PLAC9: variants seen among roughly 807,000 people sequenced by gnomAD.
PLAC9 encodes placenta associated 9, also known as placenta-specific protein 9.
PLAC9 carries 12 observed loss-of-function variants against 11.5 expected under a neutral mutation model. The ratio of observed to expected loss-of-function variants is 1.05; its 90% CI spans 0.67 to 1.69. PLAC9 has a LOEUF of 1.69. PLAC9 is among the 40% of genes most tolerant of loss of function. PLAC9 has a pLI of 0.00. For missense variants in PLAC9, 132 were observed against 130.5 expected (o/e 1.01, Z -0.06); for synonymous variants, 62 against 58.1 (o/e 1.07, Z -0.31).
intron 1 of PLAC9, among the ~76,000 whole-genome samples, chr10:80,138,716 C>T (rs1352061893): frequency 6.6e-6 from 1 of 152,182 alleles, no homozygotes; most frequent in Non-Finnish European, 1.5e-5. Context: ...CAGAGTTACA[C>T]ATCCATCATC....
intron 1 of PLAC9, among the ~76,000 whole-genome samples, chr10:80,133,915 G>T (rs1260164146): frequency 1.4e-5 from 2 of 145,044 alleles, no homozygotes; most frequent in African/African-American, 5.0e-5. Flanking sequence ...CCGCAATCCA[G>T]CCTGGGTGAC....
chr10:80,143,640 G>GC lies in PLAC9; in HGVS notation c.163-577dup, dbSNP rs566370890. Among the ~76,000 whole-genome samples, 49 of 144,344 alleles carry GC rather than the reference G, an allele frequency of 3.4e-4. 1 individual carries two copies. In the South Asian group the frequency reaches 7.8e-3, roughly 23 times the overall value. 94.7% of individuals were successfully genotyped at this position (144,344 alleles called of 152,430 possible). On this transcript the variant is annotated intron_variant, in intron 2 of 3. Transcript: ENST00000372263. ...TTGAACTCCTGACCTCCGATGATCT[G>GC]CCCCCCTTGGCCTCCCAAAGTGCTG...
rs1364713229 is a variant in PLAC9 at position 80,145,127 on chromosome 10, G to T, written c.*217G>T. On this transcript the variant is annotated 3_prime_UTR_variant, in exon 4 of 4. Coordinates refer to ENST00000372263, the MANE Select transcript of PLAC9 (RefSeq NM_001012973.3). ...AAGCCTGCAACCCCCTCCAGGCTCA[G>T]ACCTGGGGACACCCCCACTCCTGTC... is the stretch of plus-strand genomic sequence containing the variant. The T allele has an allele frequency of 1.4e-6, 1 of 691,620 alleles. No homozygotes were observed. Among genetic ancestry groups the T allele is most frequent in the Non-Finnish European group, 2.6e-6 (1 of 388,102 alleles). The allele number at this position is 691,620 out of a possible 1,614,324, so 42.8% of individuals were successfully genotyped here. A position where few individuals can be genotyped will look rare whatever the true frequency, so the allele number is the denominator to read the frequency against.
intron 1 of PLAC9, among the ~76,000 whole-genome samples, chr10:80,141,116 C>T (rs1326506749): frequency 1.3e-5 from 2 of 152,188 alleles, no homozygotes; most frequent in Non-Finnish European, 2.9e-5. Context: ...AGTGTCAACG[C>T]TGCTACTGAA....
intron 1 of PLAC9, 50 bp downstream of exon 1, chr10:80,132,876 C>A: frequency 7.1e-7 from 1 of 1,414,296 alleles, no homozygotes; most frequent in Non-Finnish European, 9.3e-7. Context: ...GGGAGACCCG[C>A]AGATGGCGAG....
intron 2 of PLAC9, among the ~76,000 whole-genome samples, chr10:80,143,150 T>G (rs932600476): frequency 2.1e-4 from 32 of 152,078 alleles, no homozygotes; most frequent in African/African-American, 7.7e-4. Context: ...GTGATTCTCA[T>G]GCCTCAACCT....
upstream of PLAC9, chr10:80,132,584 C>T: frequency 2.1e-6 from 1 of 473,498 alleles, no homozygotes; most frequent in South Asian, 3.7e-5. Flanking sequence ...CTGGGCTCCG[C>T]GCTGCCCACG....
At chr10:80,144,545 G>T (rs1845079368) in intron 3 of PLAC9, among the ~76,000 whole-genome samples, 1 of 126,306 alleles carries the variant, frequency 7.9e-6, no homozygotes, top group African/African-American at 3.0e-5. Flanking sequence ...GGTGGCTGCC[G>T]CCCAGTGTCA....
intron 1 of PLAC9, among the ~76,000 whole-genome samples, 194 bp from the exon 2 acceptor site, chr10:80,141,888 T>C (rs1229346672): frequency 2.0e-5 from 3 of 151,966 alleles, no homozygotes; most frequent in Non-Finnish European, 4.4e-5. Flanking sequence ...TCTGGGTCTG[T>C]AGGTGACTGT....
chr10:80,137,896 C>G (rs1005111545), intron 1 of PLAC9, among the ~76,000 whole-genome samples: 4 of 148,270 alleles, frequency 2.7e-5, no homozygotes, highest in African/African-American at 1.0e-4. Context: ...GCCTGGGTGA[C>G]AGAGTGAGAC....
intron 1 of PLAC9, among the ~76,000 whole-genome samples, chr10:80,134,416 A>G (rs1844950521): frequency 6.6e-6 from 1 of 151,946 alleles, no homozygotes; most frequent in South Asian, 2.1e-4. Flanking sequence ...GGCACGCACC[A>G]CCACACCTGA....
In PLAC9 at chr10:80,144,983, T is replaced by G; in HGVS notation, c.*73T>G. The G allele has an allele frequency of 6.6e-7, 1 of 1,523,710 alleles. No individual in the cohort carries two copies. Among genetic ancestry groups the G allele is most frequent in the South Asian group, 1.2e-5 (1 of 83,608 alleles). The allele number at this position is 1,523,710 out of a possible 1,614,324, so 94.4% of individuals were successfully genotyped here. ...AGCGCCCACAGAACCAGCCCTGTCC[T>G]CTCGACTTCCTTCCTTAGCTTCATG... On this transcript the variant is annotated 3_prime_UTR_variant, in exon 4 of 4. Transcript: ENST00000372263.
intron 3 of PLAC9, 24 bp from the exon 4 acceptor site, chr10:80,144,876 C>G: frequency 6.4e-7 from 1 of 1,567,598 alleles, no homozygotes; most frequent in Non-Finnish European, 8.6e-7. Flanking sequence ...AGCTTGCTCA[C>G]TGGGGGCCTC....
intron 1 of PLAC9, among the ~76,000 whole-genome samples, chr10:80,136,248 C>T (rs1189616800): frequency 1.3e-5 from 2 of 152,134 alleles, no homozygotes; most frequent in African/African-American, 4.8e-5. Context: ...ACATCAGGCC[C>T]CTAGCAGGAG....
chr10:80,136,326 G>A (rs768125995), intron 1 of PLAC9, among the ~76,000 whole-genome samples: 2 of 152,162 alleles, frequency 1.3e-5, no homozygotes, highest in African/African-American at 2.4e-5. Context: ...CTGGGAGAGC[G>A]GGAGGAAAGG....
intron 2 of PLAC9, among the ~76,000 whole-genome samples, chr10:80,142,698 T>C (rs1445775733): frequency 6.6e-6 from 1 of 152,142 alleles, no homozygotes; most frequent in East Asian, 1.9e-4. Flanking sequence ...TGTTAAATCA[T>C]GTGATTTAGT....
intron 1 of PLAC9, among the ~76,000 whole-genome samples, chr10:80,135,989 C>A (rs1238867002): frequency 6.6e-6 from 1 of 152,146 alleles, no homozygotes; most frequent in African/African-American, 2.4e-5. Context: ...ATTTCTCAAC[C>A]CCCAGCATGC....
chr10:80,135,229 A>C (rs550843522), intron 1 of PLAC9, among the ~76,000 whole-genome samples: 2 of 150,882 alleles, frequency 1.3e-5, no homozygotes, highest in African/African-American at 4.9e-5. Flanking sequence ...TCACTGTGTT[A>C]GCCAGGATGG....
upstream of PLAC9, among the ~76,000 whole-genome samples, chr10:80,132,167 T>TA (rs1554828677): frequency 2.3e-4 from 35 of 151,870 alleles, no homozygotes; most frequent in East Asian, 7.8e-4. Flanking sequence ...CTTTTCTTTT[T>TA]AAAATTACCT....
Sources: allele counts gnomAD v4.1 joint callset (sites outside exome capture counted in the v4.1 genomes callset), GRCh38; gene constraint gnomAD v4.1.1; transcripts MANE v1.5; gene names NCBI Gene and HGNC (gene_info 2026-07-23, HGNC 2026-07-21).